The following ATG2A variants were observed in gnomAD, a reference collection of about 807,000 sequenced individuals.
The protein encoded by ATG2A is autophagy-related protein 2 homolog A.
Under a neutral mutation model 214.2 loss-of-function variants are expected in ATG2A, and 103 were observed. The ratio of observed to expected loss-of-function variants is 0.48; its 90% CI spans 0.41 to 0.57. The LOEUF is 0.57. Ranked by LOEUF, ATG2A falls within the 20% of genes least tolerant of loss-of-function variation. The pLI is 0.00. For synonymous variants in ATG2A, 1,160 were observed against 1,142.1 expected, an observed-to-expected ratio of 1.02 and a Z score of -0.32; for missense variants, 2,312 against 2,613.2, an observed-to-expected ratio of 0.88 and a Z score of 2.51.
Position 64,900,842 on chromosome 11 carries a change from C to T in ATG2A, c.4328+42G>A, listed in dbSNP as rs753144245. On this transcript the variant is annotated intron_variant, in intron 30 of 40. Coordinates refer to ENST00000377264, the MANE Select transcript of ATG2A (RefSeq NM_015104.3). ...AAGTCAGACCTGGACCAGCCTGAGC[C>T]CCAACCTTCACCAGCTGCCACCTGC... is the stretch of plus-strand genomic sequence containing the variant. 34 of 1,540,070 alleles carry T rather than the reference C, an allele frequency of 2.2e-5. No homozygotes were observed. The African/African-American group carries it at 3.7e-4, about 17-fold the overall frequency.
chr11:64,916,823 C>A (rs1945004953), intron 1 of ATG2A, 142 bp downstream of exon 1: 6 of 1,114,508 alleles, frequency 5.4e-6, no homozygotes, highest in Admixed American at 2.9e-5. Context: ...GCCGGGGTGC[C>A]TCTGACGCCT....
In ATG2A at chr11:64,903,418, C is replaced by T; in HGVS notation, c.3536-54G>A. Reference sequence around the variant, plus strand: ...TGGCCCCCTTCCACCCGGCCCCGGCCCCAGCACCTGGGGGAAGGATCCGGT... The same window carrying T: ...TGGCCCCCTTCCACCCGGCCCCGGCTCCAGCACCTGGGGGAAGGATCCGGT... On this transcript the variant is annotated intron_variant, in intron 25 of 40. Transcript: ENST00000377264. The surrounding 1 kb of genome is among the most constrained non-coding windows in gnomAD (Gnocchi z 4.2). 6.3e-7 allele frequency: 1 copy of T among 1,596,240 alleles called. No individual in the cohort carries two copies. The highest frequency in any genetic ancestry group is 8.6e-7 in the Non-Finnish European group (1 of 1,165,914).
Position 64,910,696 on chromosome 11 carries a change from G to A in ATG2A, c.1627C>T (p.Pro543Ser). The A allele has an allele frequency of 1.2e-6, 2 of 1,610,196 alleles. No homozygotes were observed. The highest frequency in any genetic ancestry group is 1.7e-6 in the Non-Finnish European group (2 of 1,178,486). Residue 543 changes from proline to serine, a missense_variant, in exon 12 of 41, where the codon CCT becomes TCT. Transcript: ENST00000377264. Reference protein sequence around the residue: ...EPEYTEILTFPGTLGSQASAR... With the variant: ...EPEYTEILTFSGTLGSQASAR... ...GAGGCCTGGGAGCCCAGCGTACCAG[G>A]AAAGGTCAGGATCTGGGATGGGACC...
At chr11:64,902,442 C>T in intron 27 of ATG2A, 56 bp from the exon 28 acceptor site, 1 of 1,528,764 alleles carries the variant, frequency 6.5e-7, no homozygotes, top group Non-Finnish European at 8.8e-7. Context: ...CCCCCAACCC[C>T]AGGCCCGAGG....
At chr11:64,902,479 AG>A (rs1324196870) in intron 27 of ATG2A, 36 bp downstream of exon 27, 1 of 1,528,626 alleles carries the variant, frequency 6.5e-7, no homozygotes, top group Non-Finnish European at 8.8e-7. Context: ...GGCCTGGCCG[AG>A]CTCTGGTAGC....
In ATG2A at chr11:64,896,861, C is replaced by A; in HGVS notation, c.5159G>T (p.Gly1720Val). ...GGCATAGCCCAGCACCTTGTCCACA[C>A]CCAGGAGCCTGGCAGGGCAGGGAGG... ...KRLCCRHGLLGVDKVLGYALN... is the reference protein window; with the variant it reads ...KRLCCRHGLLVVDKVLGYALN... The change falls in exon 38 of 41, where the codon GGT (glycine) becomes GTT (valine). Residue 1720 changes from glycine (G) to valine (V), a missense_variant. Gly to Val is a moderately radical substitution (Grantham distance 109). Coordinates refer to ENST00000377264, the MANE Select transcript of ATG2A (RefSeq NM_015104.3). 2 of 1,613,740 alleles carry A rather than the reference C, an allele frequency of 1.2e-6. No homozygotes were observed. The highest frequency in any genetic ancestry group is 1.7e-6 in the Non-Finnish European group (2 of 1,179,708).
Position 64,913,950 on chromosome 11 carries a change from TCAGGTAGAG to T in ATG2A, c.488-36_488-28del. ...TGAGGAGTTGGGGAGGGGTCTCAGG[TCAGGTAGAG>T]CAGCAAAGGGGAGGCAGAATTTCCC... On this transcript the variant is annotated intron_variant, in intron 3 of 40. Coordinates refer to ENST00000377264, the MANE Select transcript of ATG2A (RefSeq NM_015104.3). This position sits in a 1 kb window ranked among gnomAD's most constrained non-coding sequence, Gnocchi z 4.3. The T allele has an allele frequency of 6.2e-7, 1 of 1,611,056 alleles. No individual in the cohort carries two copies.
chr11:64,917,140 G>A lies in ATG2A; in HGVS notation c.-5C>T. 2 of 1,599,882 alleles carry A rather than the reference G, an allele frequency of 1.3e-6. No individual in the cohort carries two copies. The highest frequency in any genetic ancestry group is 2.2e-5 in the South Asian group (2 of 90,332). ...TGGCCACAGCCATCGTGACATCTCG[G>A]AGACCGCCGGGCCTGGGCCGCCTCC... is the stretch of plus-strand genomic sequence containing the variant. On this transcript the variant is annotated 5_prime_UTR_variant, in exon 1 of 41. Coordinates refer to ENST00000377264, the MANE Select transcript of ATG2A (RefSeq NM_015104.3).
At position 64,910,527 on chromosome 11, in the gene ATG2A, G is replaced by A. The variant is rs1017976103; in HGVS notation, c.1707+89C>T. ...GTGGAGCACAGGGGAAGAGGGACAGGGCTGGGCAGCAGAGGAGGCCCTGGC... is the reference window on the plus strand; with the variant it reads ...GTGGAGCACAGGGGAAGAGGGACAGAGCTGGGCAGCAGAGGAGGCCCTGGC... On this transcript the variant is annotated intron_variant, in intron 12 of 40. Transcript: ENST00000377264. The A allele has an allele frequency of 9.2e-6, 13 of 1,414,896 alleles. No homozygotes were observed. The Admixed American group carries it at 9.9e-5, about 11-fold the overall frequency. The allele number at this position is 1,414,896 out of a possible 1,614,324, so 87.6% of individuals were successfully genotyped here. A position where few individuals can be genotyped will look rare whatever the true frequency, so the allele number is the denominator to read the frequency against.
rs1490911944 is a variant in ATG2A at position 64,903,605 on chromosome 11, G to T, written c.3520C>A (p.Leu1174Met). 9 of 1,549,698 alleles carry T rather than the reference G, an allele frequency of 5.8e-6. No individual in the cohort carries two copies. Among genetic ancestry groups the T allele is most frequent in the Non-Finnish European group, 7.9e-6 (9 of 1,146,286 alleles). The change falls in exon 25 of 41, where the codon CTG becomes ATG. Residue 1174 changes from leucine to methionine, a missense_variant. Leu to Met is a conservative substitution (Grantham distance 15). Coordinates refer to ENST00000377264, the MANE Select transcript of ATG2A (RefSeq NM_015104.3). This position sits in a 1 kb window ranked among gnomAD's most constrained non-coding sequence, Gnocchi z 4.2. ...YLSDKCEVET[L>M]DLRRDYVCVL... is the part of the protein sequence containing the mutation. ...CCCTGCCCACCTCGCCGCAGGTCCAGGGTCTCCACCTCACACTTGTCGGAC... is the reference window on the plus strand; with the variant it reads ...CCCTGCCCACCTCGCCGCAGGTCCATGGTCTCCACCTCACACTTGTCGGAC...
intron 34 of ATG2A, 25 bp from the exon 35 acceptor site, chr11:64,897,999 G>A (rs1944216102): frequency 1.2e-5 from 19 of 1,575,902 alleles, no homozygotes; most frequent in Non-Finnish European, 1.5e-5. Context: ...GTCACAGACT[G>A]GGGATGGGGC....
rs769123334 is a variant in ATG2A, at chr11:64,910,186, G to A, written c.1717C>T (p.Arg573Trp). ...TGGCAATGGCAGGCAACTGAGCGCCGGGGTCGGCTCTGAGGGCGAGGGCGT... is the reference window on the plus strand; with the variant it reads ...TGGCAATGGCAGGCAACTGAGCGCCAGGGTCGGCTCTGAGGGCGAGGGCGT... ...ILRRVPKSRPRRSVACHCHSE... is the reference protein window; with the variant it reads ...ILRRVPKSRPWRSVACHCHSE... Residue 573 changes from arginine to tryptophan, a missense_variant, in exon 13 of 41, where the codon CGG becomes TGG. Physicochemically the swap from Arg to Trp is moderately radical, Grantham distance 101. Coordinates refer to ENST00000377264, the MANE Select transcript of ATG2A (RefSeq NM_015104.3). 17 of 1,601,130 alleles carry A rather than the reference G, an allele frequency of 1.1e-5. No individual in the cohort carries two copies. Among genetic ancestry groups the A allele is most frequent in the Admixed American group, 3.5e-5 (2 of 57,926 alleles).
At chr11:64,911,341 T>C in intron 9 of ATG2A, 66 bp from the exon 10 acceptor site, 1 of 1,530,676 alleles carries the variant, frequency 6.5e-7, no homozygotes, top group South Asian at 1.1e-5. Flanking sequence ...GGAGCAATAG[T>C]TTGCCACCAG....
chr11:64,907,954 C>G, intron 16 of ATG2A, 64 bp from the exon 17 acceptor site: 1 of 1,553,124 alleles, frequency 6.4e-7, no homozygotes, highest in East Asian at 2.3e-5. Flanking sequence ...GGGCCTGTCT[C>G]TGGTCTCAGT....
intron 31 of ATG2A, 32 bp downstream of exon 31, chr11:64,900,462 C>T (rs1216945840): frequency 6.2e-7 from 1 of 1,612,394 alleles, no homozygotes; most frequent in Non-Finnish European, 8.5e-7. Context: ...CTATGACACA[C>T]ACGTGTAGTA....
At chr11:64,900,025 A>T (rs865798469) in intron 31 of ATG2A, among the ~76,000 whole-genome samples, 6 of 120,112 alleles carry the variant, frequency 5.0e-5, no homozygotes, top group African/African-American at 1.8e-4. Context: ...CAAATGGTTA[A>T]TTTTTTTTTT....
rs1236477864 is a variant in ATG2A at position 64,902,169 on chromosome 11, G to A, written c.3912C>T (p.His1304=). 6.2e-7 allele frequency: 1 copy of A among 1,613,056 alleles called. No homozygotes were observed. Among genetic ancestry groups the A allele is most frequent in the East Asian group, 2.2e-5 (1 of 44,876 alleles). ...CGGAGATGGGCGACGCCTGAGGGAG[G>A]TGGCCACCTATAGGAGAGAGGCCAG... ...LRELAQPSGG[H]LPQASPISVY... is the part of the protein sequence containing the mutation. The change falls in exon 29 of 41, where the codon CAC becomes CAT. Residue 1304 remains histidine (H), a synonymous_variant. Transcript: ENST00000377264.
At chr11:64,905,463 C>A in intron 24 of ATG2A, 100 bp downstream of exon 24, 2 of 1,252,398 alleles carry the variant, frequency 1.6e-6, no homozygotes, top group South Asian at 1.3e-5. Context: ...GACTATCACC[C>A]GGGTGTACAT....
rs1254276667 is a variant in ATG2A at position 64,906,886 on chromosome 11, G to A, written c.2833-71C>T. ...ACCCTCAAGCCCTCTGGGGGTTGGC[G>A]GCTCCTGGAGCCCTGGCCTAAGGGG... On this transcript the variant is annotated intron_variant, in intron 19 of 40. Transcript: ENST00000377264. 9 of 1,527,492 alleles carry A rather than the reference G, an allele frequency of 5.9e-6. No individual in the cohort carries two copies. In the Admixed American group the frequency reaches 6.0e-5, roughly 10 times the overall value. The allele number at this position is 1,527,492 out of a possible 1,614,324, so 94.6% of individuals were successfully genotyped here.
Sources: allele counts gnomAD v4.1 joint callset (sites outside exome capture counted in the v4.1 genomes callset), GRCh38; gene constraint gnomAD v4.1.1; non-coding constraint Gnocchi (gnomAD v3.1); transcripts MANE v1.5; gene names NCBI Gene and HGNC (gene_info 2026-07-23, HGNC 2026-07-21).